The following ERICH1 variants were observed in gnomAD, a reference collection of about 807,000 sequenced individuals.
The protein encoded by ERICH1 is glutamate rich 1.
ERICH1 carries 56 observed loss-of-function variants against 39.6 expected under a neutral mutation model. The observed-to-expected ratio is 1.41, with a 90% CI of 1.14 to 1.77. ERICH1 has a LOEUF of 1.77. Ranked by LOEUF, ERICH1 falls within the 40% of genes most tolerant of loss-of-function variation. The pLI is 0.00. For missense variants in ERICH1, 826 were observed against 575.4 expected (o/e 1.44, Z -4.45); for synonymous variants, 313 against 223.6 (o/e 1.40, Z -3.57).
At chr8:642,764 C>T (rs762290213) in intron 3 of ERICH1, among the ~76,000 whole-genome samples, 2 of 152,044 alleles carry the variant, frequency 1.3e-5, no homozygotes, top group Non-Finnish European at 2.9e-5. Context: ...GAGTTCTCAC[C>T]GGCTCAGAGG....
intron 3 of ERICH1, among the ~76,000 whole-genome samples, chr8:652,035 C>T (rs1404385381): frequency 6.6e-6 from 1 of 152,098 alleles, no homozygotes; most frequent in Non-Finnish European, 1.5e-5. Context: ...CTGAGGCATC[C>T]GGGGACCTGG....
Position 727,684 on chromosome 8 carries a change from G to A in ERICH1, c.22+3456C>T, listed in dbSNP as rs182373640. Among the ~76,000 whole-genome samples, 5 of 152,338 alleles carry A rather than the reference G, an allele frequency of 3.3e-5. No individual in the cohort carries two copies. In the South Asian group the frequency reaches 8.3e-4, roughly 25 times the overall value. ...TGACACCAGGCTGGGTGCCTACCAGGAGGAGGCCTCTGGGACAGGGCTCTG... is the reference window on the plus strand; with the variant it reads ...TGACACCAGGCTGGGTGCCTACCAGAAGGAGGCCTCTGGGACAGGGCTCTG... On this transcript the variant is annotated intron_variant, in intron 1 of 5. Coordinates refer to ENST00000262109, the MANE Select transcript of ERICH1 (RefSeq NM_207332.3).
chr8:697,198 T>C (rs1810517847), intron 2 of ERICH1, among the ~76,000 whole-genome samples: 1 of 152,204 alleles, frequency 6.6e-6, no homozygotes, highest in Admixed American at 6.5e-5. Flanking sequence ...TTTTCACCCA[T>C]GGCCTGTCTT....
Position 664,598 on chromosome 8 carries a change from C to T in ERICH1, c.*5G>A. On this transcript the variant is annotated 3_prime_UTR_variant, in exon 6 of 6. Coordinates refer to ENST00000262109, the MANE Select transcript of ERICH1 (RefSeq NM_207332.3). ...GAGGAGCTGTTCTTAAAGAGATATT[C>T]CATTTTAGTCACTGCTCTTCTCAGG... 6.2e-7 allele frequency: 1 copy of T among 1,605,024 alleles called. No homozygotes were observed. The highest frequency in any genetic ancestry group is 8.5e-7 in the Non-Finnish European group (1 of 1,176,562).
chr8:653,181 A>G (rs756072809), intron 3 of ERICH1, among the ~76,000 whole-genome samples: 1 of 152,384 alleles, frequency 6.6e-6, no homozygotes, highest in Non-Finnish European at 1.5e-5. Context: ...TCTAACAGCC[A>G]AAAGGTGAAA....
chr8:657,703 C>T (rs770689546), intron 3 of ERICH1, among the ~76,000 whole-genome samples: 11 of 151,658 alleles, frequency 7.3e-5, no homozygotes, highest in Non-Finnish European at 1.3e-4. Context: ...GCGCCCTTTT[C>T]ATCAGGAGTG....
chr8:684,640 G>A (rs1201071378), intron 3 of ERICH1, among the ~76,000 whole-genome samples: 1 of 152,070 alleles, frequency 6.6e-6, no homozygotes, highest in Admixed American at 6.6e-5. Context: ...GGGATATCGG[G>A]GGAACCAGCC....
chr8:678,820 A>G (rs1242767720), intron 3 of ERICH1, among the ~76,000 whole-genome samples: 2 of 152,148 alleles, frequency 1.3e-5, no homozygotes, highest in Non-Finnish European at 2.9e-5. Context: ...AAGAAAAGAA[A>G]AAGCCAACAC....
intron 3 of ERICH1, among the ~76,000 whole-genome samples, chr8:623,093 T>C (rs566455610): frequency 6.6e-6 from 1 of 152,130 alleles, no homozygotes; most frequent in East Asian, 1.9e-4. Flanking sequence ...TGACGAGAGA[T>C]AAAACAGGCA....
At chr8:642,445 C>G (rs888558693) in intron 3 of ERICH1, among the ~76,000 whole-genome samples, 6 of 148,678 alleles carry the variant, frequency 4.0e-5, no homozygotes, top group Admixed American at 2.0e-4. Context: ...CCTGGGTTCA[C>G]GCCATTCTCC....
At chr8:656,652 G>A in intron 3 of ERICH1, 1 of 768,190 alleles carries the variant, frequency 1.3e-6, no homozygotes, top group Non-Finnish European at 1.6e-6. Context: ...GACAAGTGTG[G>A]AATTTTGGGG....
rs1168418322 is a variant in ERICH1, at chr8:617,196, G to C, written c.977-1912C>G. ...GGCGGTGGGGACCACACGATTCCAAGAGGCACTGACGCCTTCATGAAGGGC... is the reference window on the plus strand; with the variant it reads ...GGCGGTGGGGACCACACGATTCCAACAGGCACTGACGCCTTCATGAAGGGC... On this transcript the variant is annotated intron_variant, in intron 3 of 3. Transcript: ENST00000522706. Among the ~76,000 whole-genome samples the C allele has an allele frequency of 2.0e-5, 3 of 152,124 alleles. No individual in the cohort carries two copies. The South Asian group carries it at 6.2e-4, about 32-fold the overall frequency.
intron 2 of ERICH1, among the ~76,000 whole-genome samples, chr8:703,918 C>T (rs910005659): frequency 2.0e-5 from 3 of 152,134 alleles, no homozygotes; most frequent in Admixed American, 1.3e-4. Flanking sequence ...ACGGAGGCCA[C>T]GACAGATGAA....
At position 645,215 on chromosome 8, in the gene ERICH1, C is replaced by T. The variant is rs150581945; in HGVS notation, c.976+23383G>A. On this transcript the variant is annotated intron_variant, in intron 3 of 3. Transcript: ENST00000522706. ...ACTGGAGTCCGCGTTGAGCTGTGACCGCAGACGCGCTTTCCTTGCTTTGGG... is the reference window on the plus strand; with the variant it reads ...ACTGGAGTCCGCGTTGAGCTGTGACTGCAGACGCGCTTTCCTTGCTTTGGG... 3.0e-5 allele frequency among the ~76,000 whole-genome samples: 2 copies of T among 67,716 alleles called. 1 individual carries two copies. The highest frequency in any genetic ancestry group is 9.2e-5 in the Non-Finnish European group (2 of 21,746). 44.4% of individuals were successfully genotyped at this position (67,716 alleles called of 152,430 possible).
intron 2 of ERICH1, among the ~76,000 whole-genome samples, chr8:700,891 C>G (rs1242152172): frequency 6.6e-6 from 1 of 152,228 alleles, no homozygotes; most frequent in East Asian, 1.9e-4. Flanking sequence ...AGATAAAACA[C>G]AGCAAACCTA....
chr8:701,457 G>T (rs1200931995), intron 2 of ERICH1, among the ~76,000 whole-genome samples: 1 of 152,242 alleles, frequency 6.6e-6, no homozygotes, highest in African/African-American at 2.4e-5. Flanking sequence ...CACGCCGTAG[G>T]ATGGGAGCAT....
At chr8:625,065 G>A (rs187215557) in intron 3 of ERICH1, among the ~76,000 whole-genome samples, 44 of 152,210 alleles carry the variant, frequency 2.9e-4, no homozygotes, top group Non-Finnish European at 5.7e-4. Context: ...AGAACTCACT[G>A]CCACAAGAAC....
chr8:651,035 G>T (rs1669721), intron 3 of ERICH1, among the ~76,000 whole-genome samples: 29 of 152,152 alleles, frequency 1.9e-4, no homozygotes, highest in South Asian at 6.2e-4. Context: ...TAGTCTTGCA[G>T]GGGTTCAGTG....
chr8:708,691 T>TGTTTTTTTTTTG (rs55817321), intron 2 of ERICH1, among the ~76,000 whole-genome samples: 16 of 89,320 alleles, frequency 1.8e-4, no homozygotes, highest in East Asian at 8.9e-4. Flanking sequence ...GTTTTTTTTT[T>TGTTTTTTTTTTG]TTTTTTTTTT....
Sources: gnomAD v4.1 joint callset for allele counts (sites outside exome capture counted in the v4.1 genomes callset) on GRCh38, gnomAD v4.1.1 for gene constraint, MANE v1.5 for transcripts, NCBI Gene and HGNC (gene_info 2026-07-23, HGNC 2026-07-21) for gene names.